ALKBH8: variants seen among roughly 807,000 people sequenced by gnomAD.
ALKBH8 encodes alkB homolog 8, tRNA methyltransferase.
Under a neutral mutation model 59.8 loss-of-function variants are expected in ALKBH8, and 36 were observed. That is an observed-to-expected ratio of 0.60 (90% CI 0.46 to 0.79). The LOEUF is 0.79. Among genes scored for constraint, ALKBH8 ranks in the 30% least tolerant of loss-of-function variants. The probability of loss-of-function intolerance (pLI) is 0.00; values close to 1 mark genes in which losing one functional copy is unlikely to be tolerated. For missense variants in ALKBH8, 768 were observed against 801.0 expected, an observed-to-expected ratio of 0.96 and a Z score of 0.50; for synonymous variants, 276 against 273.6, an observed-to-expected ratio of 1.01 and a Z score of -0.09.
chr11:107,548,764 G>T (rs557675390), intron 7 of ALKBH8, among the ~76,000 whole-genome samples: 1 of 152,046 alleles, frequency 6.6e-6, no homozygotes, highest in South Asian at 2.1e-4. Flanking sequence ...TTGCCTCCAG[G>T]AACAAGATCA....
intron 6 of ALKBH8, among the ~76,000 whole-genome samples, chr11:107,551,536 T>C (rs1864490706): frequency 6.6e-6 from 1 of 151,502 alleles, no homozygotes; most frequent in African/African-American, 2.4e-5. Flanking sequence ...TCTACAAAAA[T>C]ACAAAAATTA....
chr11:107,518,276 A>G (rs920237509), intron 10 of ALKBH8, among the ~76,000 whole-genome samples: 3 of 152,186 alleles, frequency 2.0e-5, no homozygotes, highest in African/African-American at 4.8e-5. Context: ...TCAATTTTCT[A>G]AATGATAGTT....
chr11:107,546,150 C>T (rs1278828339), intron 7 of ALKBH8, among the ~76,000 whole-genome samples: 2 of 152,198 alleles, frequency 1.3e-5, no homozygotes, highest in South Asian at 2.1e-4. Context: ...ATTTTAGTTT[C>T]GTTTTCCCAG....
chr11:107,548,912 G>A (rs1468954388), intron 7 of ALKBH8, among the ~76,000 whole-genome samples: 5 of 151,372 alleles, frequency 3.3e-5, no homozygotes, highest in Admixed American at 1.3e-4. Context: ...GTGCAGTGGC[G>A]CAATCTCGGC....
intron 3 of ALKBH8, among the ~76,000 whole-genome samples, chr11:107,554,326 A>C (rs1457331561): frequency 6.6e-6 from 1 of 152,204 alleles, no homozygotes; most frequent in African/African-American, 2.4e-5. Context: ...GAATACAAGA[A>C]TTTAAATACT....
chr11:107,550,533 G>A (rs1298850711), intron 6 of ALKBH8, among the ~76,000 whole-genome samples: 1 of 152,136 alleles, frequency 6.6e-6, no homozygotes, highest in African/African-American at 2.4e-5. Context: ...TTTAAGAGTG[G>A]CCCCGGCCTC....
At chr11:107,548,240 C>T in intron 7 of ALKBH8, among the ~76,000 whole-genome samples, 1 of 152,302 alleles carries the variant, frequency 6.6e-6, no homozygotes, top group East Asian at 1.9e-4. Context: ...ATACGAACAG[C>T]CTCTGCCTCC....
intron 10 of ALKBH8, among the ~76,000 whole-genome samples, chr11:107,514,700 G>T (rs1862785986): frequency 6.6e-6 from 1 of 152,042 alleles, no homozygotes; most frequent in African/African-American, 2.4e-5. Context: ...ATATTTTGGT[G>T]CTTGCCTCCT....
At chr11:107,519,186 AC>A (rs1863000909) in intron 10 of ALKBH8, among the ~76,000 whole-genome samples, 1 of 151,626 alleles carries the variant, frequency 6.6e-6, no homozygotes, top group Admixed American at 6.6e-5. Context: ...GCTCACTGCA[AC>A]CTCCGCCTCC....
At chr11:107,519,860 CCT>C (rs1384089219) in intron 10 of ALKBH8, among the ~76,000 whole-genome samples, 1 of 152,080 alleles carries the variant, frequency 6.6e-6, no homozygotes, top group Non-Finnish European at 1.5e-5. Flanking sequence ...TATCTCAAAG[CCT>C]CTGTTTCCTC....
intron 11 of ALKBH8, among the ~76,000 whole-genome samples, chr11:107,507,023 A>G (rs1435210483): frequency 1.3e-5 from 2 of 152,118 alleles, no homozygotes; most frequent in Admixed American, 6.6e-5. Flanking sequence ...AATTTAAGGT[A>G]GACTATAATG....
At chr11:107,530,658 T>A (rs1863557903) in intron 8 of ALKBH8, among the ~76,000 whole-genome samples, 1 of 147,300 alleles carries the variant, frequency 6.8e-6, no homozygotes, top group Non-Finnish European at 1.5e-5. Context: ...CAGAGTGATG[T>A]TACAGGCAAT....
chr11:107,551,902 G>T lies in ALKBH8; in HGVS notation c.606C>A (p.Asp202Glu). The change falls in exon 6 of 12, where the codon GAC (aspartate) becomes GAA (glutamate). Residue 202 changes from aspartate to glutamate, a missense_variant. Coordinates refer to ENST00000428149, the MANE Select transcript of ALKBH8 (RefSeq NM_138775.3). ...ATTTCTCCAAAAAGCTTTCACAAAT[G>T]TCAGGAAGACCTACAATGAGTAATC... ...KDKPLSGGLP[D>E]ICESFLEKWL... 1 of 1,516,656 alleles carries T rather than the reference G, an allele frequency of 6.6e-7. No homozygotes were observed. Among genetic ancestry groups the T allele is most frequent in the Non-Finnish European group, 8.8e-7 (1 of 1,134,758 alleles). 93.9% of individuals were successfully genotyped at this position (1,516,656 alleles called of 1,614,324 possible). A position where few individuals can be genotyped will look rare whatever the true frequency, so the allele number is the denominator to read the frequency against.
chr11:107,511,671 G>C lies in ALKBH8; in HGVS notation c.1288-635C>G, dbSNP rs547102582. 2.2e-4 allele frequency among the ~76,000 whole-genome samples: 33 copies of C among 152,182 alleles called. No individual in the cohort carries two copies. In the East Asian group the frequency reaches 6.4e-3, roughly 29 times the overall value. ...AGCTCATGGCAACCTCCACGTCCTGGGTTCAAGCAATTCTCCTGCCTCAGC... is the reference window on the plus strand; with the variant it reads ...AGCTCATGGCAACCTCCACGTCCTGCGTTCAAGCAATTCTCCTGCCTCAGC... On this transcript the variant is annotated intron_variant, in intron 10 of 11. Coordinates refer to ENST00000428149, the MANE Select transcript of ALKBH8 (RefSeq NM_138775.3).
intron 7 of ALKBH8, among the ~76,000 whole-genome samples, chr11:107,539,561 T>C (rs1194288767): frequency 6.6e-6 from 1 of 151,730 alleles, no homozygotes; most frequent in Non-Finnish European, 1.5e-5. Flanking sequence ...ATCTCACCGT[T>C]GCACTCCAGC....
chr11:107,560,989 C>T, intron 1 of ALKBH8, 90 bp from the exon 2 acceptor site: 1 of 1,203,516 alleles, frequency 8.3e-7, no homozygotes, highest in Non-Finnish European at 1.1e-6. Context: ...TATAGTTTAT[C>T]AATATTTCTG....
At chr11:107,558,283 T>C (rs919371281) in intron 2 of ALKBH8, among the ~76,000 whole-genome samples, 2 of 152,218 alleles carry the variant, frequency 1.3e-5, no homozygotes, top group African/African-American at 4.8e-5. Flanking sequence ...TGTTTTGTCA[T>C]GGGACAGCCA....
At position 107,522,382 on chromosome 11, in the gene ALKBH8, T is replaced by C; in HGVS notation, c.1204A>G (p.Lys402Glu). The change falls in exon 10 of 12, where the codon AAG becomes GAG. Residue 402 changes from lysine to glutamate, a missense_variant. Physicochemically the swap from Lys to Glu is moderately conservative, Grantham distance 56. Transcript: ENST00000428149. ...ACTATTGAACCACTTGGCAAAGCCT[T>C]CAAAAACTCCACAATGTGCGGCCAA... The part of the protein sequence containing the change: ...TPWPHIVEFL[K>E]ALPSGSIVAD... 3.2e-6 allele frequency: 5 copies of C among 1,551,752 alleles called. No individual in the cohort carries two copies. In the Middle Eastern group the frequency reaches 5.0e-4, roughly 155 times the overall value.
intron 7 of ALKBH8, among the ~76,000 whole-genome samples, chr11:107,537,210 A>G (rs930810148): frequency 1.3e-5 from 2 of 152,270 alleles, no homozygotes; most frequent in African/African-American, 4.8e-5. Flanking sequence ...TGTTTCCACT[A>G]TTCTGGTAAA....
Sources: allele counts gnomAD v4.1 joint callset (sites outside exome capture counted in the v4.1 genomes callset), GRCh38; gene constraint gnomAD v4.1.1; transcripts MANE v1.5; gene names NCBI Gene and HGNC (gene_info 2026-07-23, HGNC 2026-07-21).